ZNF385D: variants seen among roughly 807,000 people sequenced by gnomAD.
ZNF385D encodes zinc finger protein 659.
In ZNF385D, 15 loss-of-function variants were observed where a neutral mutation model predicts 35.8. The ratio of observed to expected loss-of-function variants is 0.42; its 90% CI spans 0.28 to 0.64. The LOEUF is 0.64. ZNF385D is among the 30% of genes least tolerant of loss of function. ZNF385D has a pLI of 0.23. For missense variants in ZNF385D, 474 were observed against 494.6 expected, an observed-to-expected ratio of 0.96 and a Z score of 0.39; for synonymous variants, 212 against 186.8, an observed-to-expected ratio of 1.13 and a Z score of -1.10.
At chr3:22,284,008 C>G (rs1004946171) in intron 2 of ZNF385D, among the ~76,000 whole-genome samples, 1 of 152,010 alleles carries the variant, frequency 6.6e-6, no homozygotes, top group Non-Finnish European at 1.5e-5. Context: ...GCTGGTGGCT[C>G]CCATTATGCA....
At chr3:22,066,121 A>G (rs552717573) in intron 3 of ZNF385D, among the ~76,000 whole-genome samples, 19 of 152,300 alleles carry the variant, frequency 1.2e-4, no homozygotes, top group African/African-American at 4.1e-4. Flanking sequence ...GAGTTGAAAG[A>G]TGTGATAGGA....
rs115783165 is a variant in ZNF385D, at chr3:21,654,302, A to T, written c.165+10584T>A. Among the ~76,000 whole-genome samples, 1,247 of 152,170 alleles carry T rather than the reference A, an allele frequency of 8.2e-3. 18 individuals are homozygous for T. Among genetic ancestry groups the T allele is most frequent in the African/African-American group, 0.029 (1,213 of 41,534 alleles). On this transcript the variant is annotated intron_variant, in intron 2 of 7. Transcript: ENST00000281523. ...TTTAATATTTGCCCAAACTCAAGATAAAATGTGGAATAAGAGGTTATACTT... is the reference window on the plus strand; with the variant it reads ...TTTAATATTTGCCCAAACTCAAGATTAAATGTGGAATAAGAGGTTATACTT...
At chr3:21,687,622 C>A (rs182893385) in intron 1 of ZNF385D, among the ~76,000 whole-genome samples, 1 of 152,098 alleles carries the variant, frequency 6.6e-6, no homozygotes, top group Admixed American at 6.6e-5. Context: ...CATTAAGGCT[C>A]ACTCTTGGTG....
chr3:21,636,378 T>TTATATATATATA lies in ZNF385D; in HGVS notation c.165+28496_165+28507dup, dbSNP rs1183440640. Among the ~76,000 whole-genome samples, 93 of 47,974 alleles carry TTATATATATATA rather than the reference T, an allele frequency of 1.9e-3. 2 individuals carry two copies. Among genetic ancestry groups the TTATATATATATA allele is most frequent in the African/African-American group, 6.6e-3 (73 of 11,100 alleles). The allele number at this position is 47,974 out of a possible 152,430, so 31.5% of individuals were successfully genotyped here. A position where few individuals can be genotyped will look rare whatever the true frequency, so the allele number is the denominator to read the frequency against. ...ATTATATATGATTATATATATATGA[T>TTATATATATATA]TATATATATATATATATATATATAT... On this transcript the variant is annotated intron_variant, in intron 2 of 7. Transcript: ENST00000281523.
chr3:21,626,665 A>T (rs2065143177), intron 2 of ZNF385D, among the ~76,000 whole-genome samples: 1 of 152,084 alleles, frequency 6.6e-6, no homozygotes, highest in Admixed American at 6.6e-5. Flanking sequence ...TAGGTAATGC[A>T]AGTGCCTATC....
intron 2 of ZNF385D, among the ~76,000 whole-genome samples, chr3:22,309,159 G>A (rs1703398739): frequency 6.6e-6 from 1 of 152,018 alleles, no homozygotes; most frequent in Non-Finnish European, 1.5e-5. Context: ...TAATCTCCAG[G>A]CTATTCACCA....
At chr3:21,439,909 T>A (rs573662089) in intron 4 of ZNF385D, among the ~76,000 whole-genome samples, 39 of 152,214 alleles carry the variant, frequency 2.6e-4, no homozygotes, top group African/African-American at 9.4e-4. Flanking sequence ...GGAATACTTT[T>A]GACCACATAG....
At chr3:21,644,282 A>T (rs2065687291) in intron 2 of ZNF385D, among the ~76,000 whole-genome samples, 1 of 152,198 alleles carries the variant, frequency 6.6e-6, no homozygotes, top group African/African-American at 2.4e-5. Flanking sequence ...AGATTAATGA[A>T]AGCAAGATAA....
intron 2 of ZNF385D, among the ~76,000 whole-genome samples, chr3:22,225,741 G>A (rs1698515758): frequency 6.6e-6 from 1 of 152,042 alleles, no homozygotes; most frequent in South Asian, 2.1e-4. Context: ...CTTGTCACAA[G>A]GTCTTATTCT....
At chr3:22,221,140 T>A (rs1310583867) in intron 2 of ZNF385D, among the ~76,000 whole-genome samples, 1 of 152,098 alleles carries the variant, frequency 6.6e-6, no homozygotes, top group Non-Finnish European at 1.5e-5. Context: ...TGTTTGTGTA[T>A]CTATTTACCT....
chr3:21,976,025 C>G (rs1703598497), intron 3 of ZNF385D, among the ~76,000 whole-genome samples: 1 of 151,986 alleles, frequency 6.6e-6, no homozygotes, highest in Non-Finnish European at 1.5e-5. Context: ...AGAAGAATGG[C>G]CCTAGCAAAC....
intron 2 of ZNF385D, among the ~76,000 whole-genome samples, chr3:22,334,194 TTAC>T (rs1391408330): frequency 6.6e-5 from 10 of 152,310 alleles, no homozygotes; most frequent in African/African-American, 1.9e-4. Flanking sequence ...ATTATCTTAA[TTAC>T]TTGAGTTCTA....
intron 2 of ZNF385D, among the ~76,000 whole-genome samples, chr3:22,174,438 G>C (rs1363039936): frequency 6.6e-6 from 1 of 152,126 alleles, no homozygotes; most frequent in Non-Finnish European, 1.5e-5. Flanking sequence ...ATAAACCACA[G>C]TGTAAGTAGT....
At chr3:21,616,448 T>C (rs1412147325) in intron 2 of ZNF385D, among the ~76,000 whole-genome samples, 1 of 152,194 alleles carries the variant, frequency 6.6e-6, no homozygotes, top group Admixed American at 6.5e-5. Context: ...AGAAAATCAA[T>C]TTCCTTGCGG....
intron 3 of ZNF385D, among the ~76,000 whole-genome samples, chr3:21,899,264 C>A (rs981092745): frequency 2.0e-5 from 3 of 152,020 alleles, no homozygotes; most frequent in Non-Finnish European, 4.4e-5. Flanking sequence ...AGTTGAGAAA[C>A]CCTGTCTTAG....
chr3:21,734,341 C>T (rs2336044), intron 1 of ZNF385D, among the ~76,000 whole-genome samples: 23,042 of 149,196 alleles, frequency 0.15, 2,127 homozygotes, highest in Non-Finnish European at 0.22. Flanking sequence ...AGAATAATTA[C>T]TTTTTGTAAA....
chr3:21,820,048 G>C (rs1217257920), intron 3 of ZNF385D, among the ~76,000 whole-genome samples: 1 of 151,080 alleles, frequency 6.6e-6, no homozygotes, highest in African/African-American at 2.4e-5. Flanking sequence ...ATAAAAAACA[G>C]TAAGAATATA....
At chr3:22,145,007 C>CAT (rs1464972302) in intron 3 of ZNF385D, among the ~76,000 whole-genome samples, 3 of 65,498 alleles carry the variant, frequency 4.6e-5, no homozygotes, top group Non-Finnish European at 9.3e-5. Flanking sequence ...GTTGAAGATA[C>CAT]ATATGTGTGT....
intron 1 of ZNF385D, among the ~76,000 whole-genome samples, chr3:21,667,595 T>C (rs887209768): frequency 6.6e-5 from 10 of 152,216 alleles, no homozygotes; most frequent in African/African-American, 2.2e-4. Context: ...AAAAGAAATA[T>C]GTTGATAAAC....
Sources: allele counts gnomAD v4.1 joint callset (sites outside exome capture counted in the v4.1 genomes callset), GRCh38; gene constraint gnomAD v4.1.1; transcripts MANE v1.5; gene names NCBI Gene and HGNC (gene_info 2026-07-23, HGNC 2026-07-21).